BACH2: variants seen among roughly 807,000 people sequenced by gnomAD.
BACH2 encodes the protein BACH transcriptional regulator 2.
BACH2 carries 5 observed loss-of-function variants against 61.8 expected under a neutral mutation model. That is an observed-to-expected ratio of 0.08 (90% CI 0.04 to 0.17). BACH2 has a LOEUF of 0.17. Ranked by LOEUF, BACH2 falls within the 10% of genes least tolerant of loss-of-function variation. The pLI is 1.00. For synonymous variants in BACH2, 446 were observed against 440.1 expected (o/e 1.01, Z -0.17); for missense variants, 824 against 1,091.1 (o/e 0.76, Z 3.45).
chr6:90,100,057 C>T (rs1430484944), intron 4 of BACH2, among the ~76,000 whole-genome samples: 1 of 152,100 alleles, frequency 6.6e-6, no homozygotes, highest in Non-Finnish European at 1.5e-5. Context: ...TAGCTTCTTT[C>T]ACTTTACCAT....
intron 5 of BACH2, among the ~76,000 whole-genome samples, chr6:90,010,161 T>C (rs1458161220): frequency 6.6e-6 from 1 of 152,226 alleles, no homozygotes; most frequent in Non-Finnish European, 1.5e-5. Flanking sequence ...TTTGATTGTG[T>C]ATGTAACTGT....
intron 5 of BACH2, among the ~76,000 whole-genome samples, chr6:90,026,327 G>T (rs1432979666): frequency 6.6e-6 from 1 of 152,186 alleles, no homozygotes; most frequent in Non-Finnish European, 1.5e-5. Flanking sequence ...TTAAATAATT[G>T]TGTTTCTTAA....
At chr6:89,973,257 A>T (rs1326440681) in intron 6 of BACH2, among the ~76,000 whole-genome samples, 1 of 121,598 alleles carries the variant, frequency 8.2e-6, no homozygotes, top group African/African-American at 3.2e-5. Context: ...TAAAAAAATA[A>T]GAAAATATAA....
chr6:90,103,029 A>ATTTTT (rs371386234), intron 4 of BACH2, among the ~76,000 whole-genome samples: 24 of 21,156 alleles, frequency 1.1e-3, no homozygotes, highest in South Asian at 2.5e-3. Flanking sequence ...ATATATATAT[A>ATTTTT]TTTTTTTTTT....
At chr6:90,012,678 T>A (rs1013387830) in intron 5 of BACH2, among the ~76,000 whole-genome samples, 6 of 150,888 alleles carry the variant, frequency 4.0e-5, no homozygotes, top group South Asian at 2.1e-4. Flanking sequence ...TAATTGAAAA[T>A]TTTTTTTGGA....
chr6:90,023,254 G>A (rs1175201914), intron 5 of BACH2, among the ~76,000 whole-genome samples: 1 of 152,186 alleles, frequency 6.6e-6, no homozygotes, highest in Non-Finnish European at 1.5e-5. Context: ...AATCCCCGAT[G>A]CTGGAGGTGG....
intron 4 of BACH2, among the ~76,000 whole-genome samples, chr6:90,156,007 A>G (rs1784984776): frequency 6.6e-6 from 1 of 152,196 alleles, no homozygotes; most frequent in Admixed American, 6.5e-5. Context: ...CCCAATGGAA[A>G]TCACCAAAGT....
At chr6:90,128,318 C>G (rs1783945186) in intron 4 of BACH2, among the ~76,000 whole-genome samples, 1 of 152,106 alleles carries the variant, frequency 6.6e-6, no homozygotes, top group African/African-American at 2.4e-5. Context: ...CGCCGTGGCT[C>G]ATGCCTGTAA....
At position 90,054,403 on chromosome 6, in the gene BACH2, G is replaced by C. The variant is rs1582274357; in HGVS notation, c.-13+34558C>G. ...CAGTCTGAGATCAAACTGCAAGGCG[G>C]CAGCGAGGCTGGGGGAGGGGCGCCC... On this transcript the variant is annotated intron_variant, in intron 5 of 8. Transcript: ENST00000257749. Among the ~76,000 whole-genome samples, 3 of 152,368 alleles carry C rather than the reference G, an allele frequency of 2.0e-5. No homozygotes were observed. The South Asian group carries it at 6.2e-4, about 32-fold the overall frequency.
At chr6:89,938,917 A>G (rs1204370610) in intron 7 of BACH2, among the ~76,000 whole-genome samples, 4 of 152,234 alleles carry the variant, frequency 2.6e-5, no homozygotes, top group African/African-American at 9.6e-5. Context: ...TTCTCACCAG[A>G]CATGAGACCT....
At chr6:90,142,646 C>T (rs185934456) in intron 4 of BACH2, among the ~76,000 whole-genome samples, 14 of 152,104 alleles carry the variant, frequency 9.2e-5, no homozygotes, top group African/African-American at 3.4e-4. Context: ...CCAAACAAAA[C>T]CCCCTTCTTG....
intron 5 of BACH2, among the ~76,000 whole-genome samples, chr6:90,014,420 TTG>T (rs764203742): frequency 0.1 from 7,596 of 75,508 alleles, 506 homozygotes; most frequent in Non-Finnish European, 0.11. Flanking sequence ...TGGCATAAAA[TTG>T]TGTGTGTGTG....
chr6:90,108,844 ATGACC>A (rs1450726201), intron 4 of BACH2, among the ~76,000 whole-genome samples: 1 of 152,146 alleles, frequency 6.6e-6, no homozygotes, highest in Non-Finnish European at 1.5e-5. Flanking sequence ...GGACAGAGGG[ATGACC>A]TGCCCCATTC....
intron 7 of BACH2, among the ~76,000 whole-genome samples, chr6:89,943,043 C>G (rs1773527366): frequency 6.6e-6 from 1 of 152,120 alleles, no homozygotes; most frequent in African/African-American, 2.4e-5. Flanking sequence ...AACTCCTGGC[C>G]TCAAGCTATC....
chr6:90,172,112 C>G (rs1013236747), intron 4 of BACH2, among the ~76,000 whole-genome samples: 1 of 152,044 alleles, frequency 6.6e-6, no homozygotes, highest in African/African-American at 2.4e-5. Context: ...TCGAGACCAG[C>G]CTGACCAAAA....
At chr6:90,101,265 T>A (rs1440650592) in intron 4 of BACH2, among the ~76,000 whole-genome samples, 2 of 152,218 alleles carry the variant, frequency 1.3e-5, no homozygotes, top group Admixed American at 1.3e-4. Context: ...TATCTAATTT[T>A]TCTTTTGTCT....
intron 4 of BACH2, among the ~76,000 whole-genome samples, chr6:90,166,228 T>C (rs1767611025): frequency 6.6e-6 from 1 of 151,864 alleles, no homozygotes; most frequent in Non-Finnish European, 1.5e-5. Context: ...AACAACCCCA[T>C]CAACAAGTGG....
intron 4 of BACH2, among the ~76,000 whole-genome samples, chr6:90,179,933 C>A (rs1582455276): frequency 6.6e-6 from 1 of 151,984 alleles, no homozygotes; most frequent in Admixed American, 6.6e-5. Context: ...ATGAGTAGGG[C>A]AATTGTAGAA....
intron 6 of BACH2, among the ~76,000 whole-genome samples, chr6:89,981,833 G>A (rs1186255229): frequency 6.6e-6 from 1 of 152,130 alleles, no homozygotes; most frequent in African/African-American, 2.4e-5. Flanking sequence ...CTAAATCAAT[G>A]CAATATATTA....
Sources: gnomAD v4.1 joint callset for allele counts (sites outside exome capture counted in the v4.1 genomes callset) on GRCh38, gnomAD v4.1.1 for gene constraint, MANE v1.5 for transcripts, NCBI Gene and HGNC (gene_info 2026-07-23, HGNC 2026-07-21) for gene names.